The following GSG1L variants were observed in gnomAD, a reference collection of about 807,000 sequenced individuals.
GSG1L encodes the protein GSG1 like.
A neutral mutation model predicts 42.1 loss-of-function variants in GSG1L; 24 were observed. The ratio of observed to expected loss-of-function variants is 0.57; its 90% CI spans 0.41 to 0.80. The LOEUF (loss-of-function observed/expected upper bound fraction) is 0.80, where lower values mean the gene tolerates loss of function less well. Ranked by LOEUF, GSG1L falls within the 30% of genes least tolerant of loss-of-function variation. GSG1L has a pLI of 0.00. For missense variants in GSG1L, 445 were observed against 472.2 expected, an observed-to-expected ratio of 0.94 and a Z score of 0.53; for synonymous variants, 215 against 203.5, an observed-to-expected ratio of 1.06 and a Z score of -0.48.
intron 4 of GSG1L, among the ~76,000 whole-genome samples, chr16:27,837,502 G>A (rs2083333917): frequency 1.3e-5 from 2 of 152,200 alleles, no homozygotes; most frequent in Admixed American, 1.3e-4. Context: ...AGGGGCCAGG[G>A]GGCCTCATCC....
At chr16:27,990,171 G>A (rs2085439447) in intron 1 of GSG1L, among the ~76,000 whole-genome samples, 1 of 152,102 alleles carries the variant, frequency 6.6e-6, no homozygotes, top group Non-Finnish European at 1.5e-5. Context: ...ATGACTTTTT[G>A]TTTGAACCAT....
At chr16:27,850,189 G>A (rs1035456893) in intron 3 of GSG1L, among the ~76,000 whole-genome samples, 7 of 151,478 alleles carry the variant, frequency 4.6e-5, no homozygotes, top group Admixed American at 2.0e-4. Context: ...CACTACACCC[G>A]GCTAATTTTT....
intron 2 of GSG1L, among the ~76,000 whole-genome samples, chr16:27,885,782 C>A (rs2084020385): frequency 1.3e-5 from 2 of 152,342 alleles, no homozygotes; most frequent in East Asian, 1.9e-4. Context: ...GCACCTGGTT[C>A]CAGCTGTTCC....
intron 6 of GSG1L, among the ~76,000 whole-genome samples, chr16:27,803,353 G>A (rs964552353): frequency 1.9e-4 from 29 of 152,036 alleles, no homozygotes; most frequent in African/African-American, 6.5e-4. Flanking sequence ...CAATGGCCCA[G>A]GAGAGTTGCC....
intron 2 of GSG1L, among the ~76,000 whole-genome samples, chr16:27,892,978 G>A (rs760658068): frequency 6.6e-6 from 1 of 152,096 alleles, no homozygotes; most frequent in African/African-American, 2.4e-5. Flanking sequence ...GCAAGCTCGC[G>A]GAAGGACAGG....
chr16:27,963,593 C>T (rs1298418330), intron 1 of GSG1L, among the ~76,000 whole-genome samples: 1 of 152,186 alleles, frequency 6.6e-6, no homozygotes, highest in East Asian at 1.9e-4. Flanking sequence ...ACATCCAACA[C>T]ACGCACACAC....
intron 6 of GSG1L, among the ~76,000 whole-genome samples, chr16:27,793,489 T>G (rs986496930): frequency 2.1e-4 from 19 of 89,196 alleles, no homozygotes; most frequent in African/African-American, 8.6e-4. Context: ...TTGGGTTTTG[T>G]TTTGTTTTTT....
chr16:27,828,950 C>T lies in GSG1L; in HGVS notation c.669G>A (p.Ala223=), dbSNP rs117918036. 47,815 of 1,613,932 alleles carry T rather than the reference C, an allele frequency of 0.03. 827 individuals are homozygous for T. Among genetic ancestry groups the T allele is most frequent in the Middle Eastern group, 0.047 (286 of 6,060 alleles). Residue 223 remains alanine (A), a synonymous_variant, in exon 5 of 7, where the codon GCG becomes GCA. Coordinates refer to ENST00000447459, the MANE Select transcript of GSG1L (RefSeq NM_001109763.2). ...SWDYGWSFCL[A]WGSFTCCMAA... is the part of the protein sequence containing the mutation. ...CCATGCAGCAGGTAAAGGAGCCCCA[C>T]GCCAGGCTGCCAAGAGATCAGGAGA...
chr16:27,915,910 C>T (rs564124534), intron 2 of GSG1L, among the ~76,000 whole-genome samples: 1 of 152,070 alleles, frequency 6.6e-6, no homozygotes, highest in Non-Finnish European at 1.5e-5. Flanking sequence ...CCGGGTGGGG[C>T]CCTCGGGCAA....
At chr16:27,959,511 G>C (rs1440027370) in intron 2 of GSG1L, among the ~76,000 whole-genome samples, 1 of 146,326 alleles carries the variant, frequency 6.8e-6, no homozygotes, top group Non-Finnish European at 1.5e-5. Flanking sequence ...GGGAAGGGAG[G>C]GGGAGGGAAG....
chr16:27,857,205 T>C (rs994496960), intron 3 of GSG1L, among the ~76,000 whole-genome samples: 7 of 152,030 alleles, frequency 4.6e-5, no homozygotes, highest in African/African-American at 1.7e-4. Flanking sequence ...GGTGGGCAGA[T>C]TATTTGAGGC....
chr16:27,868,182 G>A (rs2083756602), intron 3 of GSG1L, among the ~76,000 whole-genome samples: 1 of 152,236 alleles, frequency 6.6e-6, no homozygotes, highest in Admixed American at 6.5e-5. Context: ...CAAAGGATGT[G>A]GCGGAATTTA....
In GSG1L at chr16:27,790,590, A is replaced by T. The variant is rs2082739793; in HGVS notation, c.*780T>A. 6.6e-6 allele frequency: 1 copy of T among 152,296 alleles called. No homozygotes were observed. The highest frequency in any genetic ancestry group is 1.5e-5 in the Non-Finnish European group (1 of 68,104). 9.4% of individuals were successfully genotyped at this position (152,296 alleles called of 1,614,324 possible). ...GGTGGTGTGATGTTGCTGAGCTCTG[A>T]AGAGAAATGTGGCTTCTTCACCCTC... On this transcript the variant is annotated 3_prime_UTR_variant, in exon 7 of 7. Transcript: ENST00000447459.
At chr16:27,955,067 G>A (rs1014698184) in intron 2 of GSG1L, among the ~76,000 whole-genome samples, 1 of 152,096 alleles carries the variant, frequency 6.6e-6, no homozygotes, top group Admixed American at 6.6e-5. Flanking sequence ...TAGTAAGTTC[G>A]CACCTCACTG....
At chr16:27,815,687 C>A (rs557275830) in intron 5 of GSG1L, among the ~76,000 whole-genome samples, 123 of 152,284 alleles carry the variant, frequency 8.1e-4, no homozygotes, top group African/African-American at 2.8e-3. Flanking sequence ...CTGGACAAGT[C>A]TTGATTTTCT....
chr16:27,858,057 T>G (rs1245283502), intron 3 of GSG1L, among the ~76,000 whole-genome samples: 1 of 152,190 alleles, frequency 6.6e-6, no homozygotes, highest in East Asian at 1.9e-4. Context: ...ATCCCTCTGG[T>G]CTCATTCGCT....
chr16:27,857,010 T>G lies in GSG1L; in HGVS notation c.551-11949A>C, dbSNP rs571027259. 8.1e-4 allele frequency among the ~76,000 whole-genome samples: 124 copies of G among 152,264 alleles called. 1 individual carries two copies. Among genetic ancestry groups the G allele is most frequent in the Middle Eastern group, 3.4e-3 (1 of 294 alleles). On this transcript the variant is annotated intron_variant, in intron 3 of 6. Transcript: ENST00000447459. ...GCTTTCTTCCAGCCTGGCAACAGAT[T>G]GGTCTCTCTTCGATTGGGCACCAGA...
chr16:27,995,718 T>C (rs1189979234), intron 1 of GSG1L, among the ~76,000 whole-genome samples: 1 of 151,742 alleles, frequency 6.6e-6, no homozygotes, highest in East Asian at 1.9e-4. Context: ...GGGACACGAG[T>C]CCCAGTGGCT....
chr16:27,947,587 AAG>A (rs2084898010), intron 2 of GSG1L, among the ~76,000 whole-genome samples: 1 of 125,366 alleles, frequency 8.0e-6, no homozygotes, highest in African/African-American at 3.6e-5. Flanking sequence ...GAAAGAAAGA[AAG>A]AAAGAAAGAA....
Sources: allele counts gnomAD v4.1 joint callset (sites outside exome capture counted in the v4.1 genomes callset), GRCh38; gene constraint gnomAD v4.1.1; transcripts MANE v1.5; gene names NCBI Gene and HGNC (gene_info 2026-07-23, HGNC 2026-07-21).